The following KSR2 variants were observed in gnomAD, a reference collection of about 807,000 sequenced individuals.
The protein encoded by KSR2 is kinase suppressor of ras 2.
In KSR2, 25 loss-of-function variants were observed where a neutral mutation model predicts 107.8. That is an observed-to-expected ratio of 0.23 (90% CI 0.17 to 0.32). The LOEUF (loss-of-function observed/expected upper bound fraction) is 0.32, where lower values mean the gene tolerates loss of function less well. Among genes scored for constraint, KSR2 ranks in the 10% least tolerant of loss-of-function variants. The pLI, the probability that KSR2 is intolerant of heterozygous loss-of-function variation, is 1.00. For missense variants in KSR2, 887 were observed against 1,268.9 expected (o/e 0.70, Z 4.57); for synonymous variants, 480 against 507.0 (o/e 0.95, Z 0.71).
chr12:117,456,355 T>C lies in KSR2; in HGVS notation c.*10844A>G, dbSNP rs996399534. 1.3e-5 allele frequency: 2 copies of C among 152,038 alleles called. No homozygotes were observed. Among genetic ancestry groups the C allele is most frequent in the African/African-American group, 4.8e-5 (2 of 41,378 alleles). 9.4% of individuals were successfully genotyped at this position (152,038 alleles called of 1,614,324 possible). A position where few individuals can be genotyped will look rare whatever the true frequency, so the allele number is the denominator to read the frequency against. On this transcript the variant is annotated 3_prime_UTR_variant, in exon 20 of 20. Transcript: ENST00000339824. ...GTGTGGCAGGGCAAGTACCTTAGAG[T>C]ACCTTGATGCCCATGCTGTAGCTAC...
At chr12:117,549,285 G>A (rs905500881) in intron 9 of KSR2, among the ~76,000 whole-genome samples, 1 of 152,196 alleles carries the variant, frequency 6.6e-6, no homozygotes, top group African/African-American at 2.4e-5. Flanking sequence ...GGCAGGTGAG[G>A]TTTTTCAAGA....
intron 5 of KSR2, among the ~76,000 whole-genome samples, chr12:117,631,076 G>A (rs1429862642): frequency 2.6e-5 from 4 of 152,110 alleles, no homozygotes; most frequent in African/African-American, 9.7e-5. Context: ...CCAACACTTT[G>A]GGAGGCTGAG....
chr12:117,926,748 A>G (rs571228203), intron 1 of KSR2, among the ~76,000 whole-genome samples: 1 of 152,306 alleles, frequency 6.6e-6, no homozygotes, highest in South Asian at 2.1e-4. Flanking sequence ...AGGCACAATT[A>G]AAACTCTCCA....
At chr12:117,925,819 C>T in intron 1 of KSR2, among the ~76,000 whole-genome samples, 1 of 152,098 alleles carries the variant, frequency 6.6e-6, no homozygotes, top group East Asian at 1.9e-4. Flanking sequence ...AAAGTGTGTG[C>T]TGGGGTAGGG....
At position 117,459,637 on chromosome 12, in the gene KSR2, G is replaced by A. The variant is rs902907442; in HGVS notation, c.*7562C>T. The A allele has an allele frequency of 1.3e-5, 2 of 152,206 alleles. No homozygotes were observed. 9.4% of individuals were successfully genotyped at this position (152,206 alleles called of 1,614,324 possible). ...AGGTGAAAACTTAACCCTTCTGAGG[G>A]TGTTACATCTTATATACTTTTCACA... On this transcript the variant is annotated 3_prime_UTR_variant, in exon 20 of 20. Coordinates refer to ENST00000339824, the MANE Select transcript of KSR2 (RefSeq NM_173598.6).
At chr12:117,738,217 C>T (rs940273746) in intron 4 of KSR2, among the ~76,000 whole-genome samples, 1 of 152,190 alleles carries the variant, frequency 6.6e-6, no homozygotes, top group Non-Finnish European at 1.5e-5. Context: ...GCCTCAGTTT[C>T]CTTATTTGTA....
At chr12:117,694,133 C>T (rs1236405188) in intron 4 of KSR2, among the ~76,000 whole-genome samples, 3 of 148,130 alleles carry the variant, frequency 2.0e-5, no homozygotes, top group Non-Finnish European at 2.9e-5. Flanking sequence ...GTGGCAAACA[C>T]CACGGCAGTT....
intron 14 of KSR2, among the ~76,000 whole-genome samples, chr12:117,519,548 A>C (rs2137221250): frequency 6.6e-6 from 1 of 152,074 alleles, no homozygotes; most frequent in South Asian, 2.1e-4. Flanking sequence ...CTACAAAATA[A>C]TTTGGGGAGT....
At chr12:117,517,123 G>T (rs544675341) in intron 14 of KSR2, among the ~76,000 whole-genome samples, 1 of 152,248 alleles carries the variant, frequency 6.6e-6, no homozygotes, top group Admixed American at 6.5e-5. Flanking sequence ...GACATGGTTT[G>T]GATCCCCCCA....
In KSR2 at chr12:117,484,517, T is replaced by C. The variant is rs778372782; in HGVS notation, c.2349A>G (p.Leu783=). ...GMGYLHAKGI[L]HKDLKSKNVF... ...CGTTCTTTGACTTGAGGTCCTTGTG[T>C]AGGATTCCCTTGGCGTGGAGGTAGC... The change falls in exon 16 of 20, where the codon CTA becomes CTG. Residue 783 remains leucine, a synonymous_variant. Transcript: ENST00000339824. The C allele has an allele frequency of 6.2e-7, 1 of 1,613,948 alleles. No homozygotes were observed. Among genetic ancestry groups the C allele is most frequent in the South Asian group, 1.1e-5 (1 of 91,054 alleles).
intron 3 of KSR2, among the ~76,000 whole-genome samples, chr12:117,835,024 C>G (rs763844478): frequency 6.6e-6 from 1 of 152,114 alleles, no homozygotes; most frequent in Non-Finnish European, 1.5e-5. Flanking sequence ...GCATGAAAAT[C>G]GAACCCGAGA....
chr12:117,813,136 A>G (rs1420963122), intron 3 of KSR2, among the ~76,000 whole-genome samples: 1 of 152,212 alleles, frequency 6.6e-6, no homozygotes, highest in African/African-American at 2.4e-5. Context: ...AATCAACTCA[A>G]AATGGATTAA....
chr12:117,470,030 T>C (rs1053314525), intron 18 of KSR2, among the ~76,000 whole-genome samples: 2 of 151,326 alleles, frequency 1.3e-5, no homozygotes, highest in Admixed American at 1.3e-4. Flanking sequence ...CCAGTATGTA[T>C]CTACACATCT....
At chr12:117,936,521 T>TAG (rs1566089539) in intron 1 of KSR2, among the ~76,000 whole-genome samples, 81 of 46,756 alleles carry the variant, frequency 1.7e-3, no homozygotes, top group Non-Finnish European at 2.7e-3. Context: ...TTTATTATTA[T>TAG]TATTATTATT....
intron 4 of KSR2, among the ~76,000 whole-genome samples, chr12:117,725,559 A>G (rs1160272486): frequency 6.6e-6 from 1 of 152,276 alleles, no homozygotes; most frequent in African/African-American, 2.4e-5. Context: ...AACCTATCAC[A>G]AAAGCTAAAA....
Position 117,742,531 on chromosome 12 carries a change from G to GAT in KSR2, c.986+18479_986+18480insAT, listed in dbSNP as rs1438289280. On this transcript the variant is annotated intron_variant, in intron 4 of 19. Coordinates refer to ENST00000339824, the MANE Select transcript of KSR2 (RefSeq NM_173598.6). Reference sequence around the variant, plus strand: ...AAATGGATGGATGGATGGATGGATGGGTGGATGGATGGATGGATGGATGAA... The same window carrying GAT: ...AAATGGATGGATGGATGGATGGATGGATGTGGATGGATGGATGGATGGATGAA... 1.1e-3 allele frequency among the ~76,000 whole-genome samples: 138 copies of GAT among 121,604 alleles called. 1 individual carries two copies. The highest frequency in any genetic ancestry group is 4.6e-4 in the East Asian group (2 of 4,322). The allele number at this position is 121,604 out of a possible 152,430, so 79.8% of individuals were successfully genotyped here. A position where few individuals can be genotyped will look rare whatever the true frequency, so the allele number is the denominator to read the frequency against.
intron 1 of KSR2, among the ~76,000 whole-genome samples, chr12:117,933,845 G>C (rs1271098111): frequency 2.0e-5 from 3 of 152,094 alleles, no homozygotes; most frequent in African/African-American, 4.8e-5. Flanking sequence ...ACAGCAAGAG[G>C]GTGGCAGAGC....
intron 5 of KSR2, among the ~76,000 whole-genome samples, chr12:117,583,307 A>G: frequency 7.4e-6 from 1 of 136,036 alleles, no homozygotes; most frequent in African/African-American, 2.8e-5. Flanking sequence ...ATGGATGAAT[A>G]GATGGATAGA....
chr12:117,548,703 T>C (rs1247759307), intron 9 of KSR2, among the ~76,000 whole-genome samples: 1 of 151,460 alleles, frequency 6.6e-6, no homozygotes, highest in Non-Finnish European at 1.5e-5. Context: ...AAAAGTACAA[T>C]TACTCCATCT....
Sources: gnomAD v4.1 joint callset for allele counts (sites outside exome capture counted in the v4.1 genomes callset) on GRCh38, gnomAD v4.1.1 for gene constraint, MANE v1.5 for transcripts, NCBI Gene and HGNC (gene_info 2026-07-23, HGNC 2026-07-21) for gene names.